Variants in PCDH10 observed in about 807,000 individuals in gnomAD.
PCDH10 encodes protocadherin-10.
Under a neutral mutation model 74.4 loss-of-function variants are expected in PCDH10, and 15 were observed. The observed-to-expected ratio is 0.20, with a 90% CI of 0.13 to 0.31. PCDH10 has a LOEUF of 0.31. Among genes scored for constraint, PCDH10 ranks in the 10% least tolerant of loss-of-function variants. The pLI, the probability that PCDH10 is intolerant of heterozygous loss-of-function variation, is 1.00. For missense variants in PCDH10, 1,260 were observed against 1,390.2 expected (o/e 0.91, Z 1.49); for synonymous variants, 619 against 589.8 (o/e 1.05, Z -0.72).
Position 133,153,221 on chromosome 4 carries a change from A to G in PCDH10, c.2631+450A>G. ...TTTAACGATGCTTTTAGTCGCGTGT[A>G]CAAGTAAGCTATAGATTGTTTAACT... On this transcript the variant is annotated intron_variant, in intron 1 of 4. Coordinates refer to ENST00000264360, the MANE Select transcript of PCDH10 (RefSeq NM_032961.3). The G allele has an allele frequency of 1.9e-6, 2 of 1,050,776 alleles. 1 individual carries two copies. The highest frequency in any genetic ancestry group is 1.7e-4 in the East Asian group (2 of 11,786). 65.1% of individuals were successfully genotyped at this position (1,050,776 alleles called of 1,614,324 possible).
At chr4:133,177,650 C>A (rs1014638981) in intron 4 of PCDH10, among the ~76,000 whole-genome samples, 3 of 151,996 alleles carry the variant, frequency 2.0e-5, no homozygotes, top group African/African-American at 7.2e-5. Context: ...TGATAAAGTT[C>A]TTGCATTTAA....
chr4:133,178,941 C>T (rs1727353189), intron 4 of PCDH10, among the ~76,000 whole-genome samples: 1 of 151,950 alleles, frequency 6.6e-6, no homozygotes, highest in Admixed American at 6.6e-5. Context: ...TATAGGTTTC[C>T]TAAATTTTGT....
chr4:133,163,166 C>G lies in PCDH10; in HGVS notation c.2987C>G (p.Ala996Gly). The change falls in exon 4 of 5, where the codon GCA (alanine) becomes GGA (glycine). Residue 996 changes from alanine (A) to glycine (G), a missense_variant. Physicochemically the swap from Ala to Gly is moderately conservative, Grantham distance 60. This residue lies in a region of PCDH10 where 136 missense variants were observed against 149.3 expected (regional missense o/e 0.91). Transcript: ENST00000264360. ...GAAACTCCAGAAGCCCAGCCTGGGG[C>G]AGAGCGGTCCTTTTCCACCTTTGGC... ...VFETPEAQPG[A>G]ERSFSTFGKE... is the part of the protein sequence containing the mutation. 2 of 1,614,098 alleles carry G rather than the reference C, an allele frequency of 1.2e-6. No homozygotes were observed. The highest frequency in any genetic ancestry group is 1.7e-6 in the Non-Finnish European group (2 of 1,179,990).
downstream of PCDH10, among the ~76,000 whole-genome samples, chr4:133,199,189 GA>G (rs1187669758): frequency 1.3e-4 from 20 of 151,686 alleles, no homozygotes; most frequent in Non-Finnish European, 5.9e-5. Context: ...TTGAAAGGCT[GA>G]AGTGGGAGGA....
downstream of PCDH10, among the ~76,000 whole-genome samples, chr4:133,195,473 C>A (rs1202819808): frequency 6.6e-6 from 1 of 152,144 alleles, no homozygotes; most frequent in Admixed American, 6.6e-5. Context: ...GTATCACTAC[C>A]TTTTATCCCT....
downstream of PCDH10, among the ~76,000 whole-genome samples, chr4:133,197,970 TG>T (rs990986232): frequency 5.8e-4 from 1 of 1,734 alleles, no homozygotes; most frequent in Non-Finnish European, 3.6e-3. Flanking sequence ...CTCTCAAAAT[TG>T]TGTGTGTGTG....
chr4:133,161,585 A>C (rs2125862591), intron 3 of PCDH10, among the ~76,000 whole-genome samples: 1 of 152,192 alleles, frequency 6.6e-6, no homozygotes. Flanking sequence ...TAGAAGTAAC[A>C]ATCAAGTATG....
chr4:133,162,888 AC>A (rs1726998115), intron 3 of PCDH10, 88 bp from the exon 4 acceptor site: 5 of 1,085,252 alleles, frequency 4.6e-6, no homozygotes, highest in Non-Finnish European at 6.6e-6. Flanking sequence ...TTCACTTGTC[AC>A]CCTTTATGCT....
chr4:133,181,910 T>C (rs1727426515), intron 4 of PCDH10, among the ~76,000 whole-genome samples: 1 of 152,114 alleles, frequency 6.6e-6, no homozygotes, highest in Non-Finnish European at 1.5e-5. Context: ...GAACTTCCAA[T>C]TGTTTACATT....
chr4:133,199,527 T>C (rs1329326035), downstream of PCDH10, among the ~76,000 whole-genome samples: 6 of 149,998 alleles, frequency 4.0e-5, no homozygotes, highest in African/African-American at 1.5e-4. Context: ...CACTACCATG[T>C]TGGTCAGTCA....
intron 1 of PCDH10, among the ~76,000 whole-genome samples, chr4:133,154,060 C>T (rs540685643): frequency 6.6e-6 from 1 of 152,254 alleles, no homozygotes; most frequent in African/African-American, 2.4e-5. Flanking sequence ...TTAAAAAACA[C>T]ACACACATTT....
chr4:133,150,126 C>G lies in PCDH10; in HGVS notation c.-15C>G. On this transcript the variant is annotated 5_prime_UTR_variant, in exon 1 of 5. Transcript: ENST00000264360. ...GCTGACTGGCTGCGGGAAGCTACTT[C>G]CTTTCCTTTTGGAGATGATTGTGCT... is the stretch of plus-strand genomic sequence containing the variant. The G allele has an allele frequency of 6.7e-7, 1 of 1,489,828 alleles. No homozygotes were observed. The allele number at this position is 1,489,828 out of a possible 1,614,324, so 92.3% of individuals were successfully genotyped here. A position where few individuals can be genotyped will look rare whatever the true frequency, so the allele number is the denominator to read the frequency against.
At chr4:133,197,065 C>T (rs1318038830), downstream of PCDH10, among the ~76,000 whole-genome samples, 1 of 152,140 alleles carries the variant, frequency 6.6e-6, no homozygotes, top group Non-Finnish European at 1.5e-5. Flanking sequence ...ATTTGCCTCT[C>T]CATTTATCAG....
chr4:133,161,282 A>T (rs529431522), intron 3 of PCDH10, among the ~76,000 whole-genome samples: 49 of 152,272 alleles, frequency 3.2e-4, no homozygotes, highest in Middle Eastern at 3.4e-3. Context: ...ATAAAATTTT[A>T]AAAAAGTCAT....
In PCDH10 at chr4:133,150,307, T is replaced by C; in HGVS notation, c.167T>C (p.Val56Ala). 1 of 1,613,750 alleles carries C rather than the reference T, an allele frequency of 6.2e-7. No individual in the cohort carries two copies. The highest frequency in any genetic ancestry group is 8.5e-7 in the Non-Finnish European group (1 of 1,179,926). ...CTTTCGGCTCGCGGGTTTCAGACGG[T>C]GCCCAACTCAAGGACCCCTTACTTA... ...TKLSARGFQT[V>A]PNSRTPYLDL... Residue 56 changes from valine to alanine, a missense_variant, in exon 1 of 5, where the codon GTG becomes GCG. Val to Ala is a moderately conservative substitution (Grantham distance 64). Coordinates refer to ENST00000264360, the MANE Select transcript of PCDH10 (RefSeq NM_032961.3).
intron 4 of PCDH10, among the ~76,000 whole-genome samples, chr4:133,183,732 C>T (rs1727467565): frequency 6.6e-6 from 1 of 152,010 alleles, no homozygotes; most frequent in African/African-American, 2.4e-5. Context: ...AGGATGGATC[C>T]ATTTCTAATT....
chr4:133,187,705 A>C (rs1380787703), intron 4 of PCDH10, among the ~76,000 whole-genome samples: 1 of 152,134 alleles, frequency 6.6e-6, no homozygotes, highest in African/African-American at 2.4e-5. Flanking sequence ...AGCAGCAATT[A>C]AAAGATGTCT....
At chr4:133,173,772 A>G (rs941927242) in intron 4 of PCDH10, among the ~76,000 whole-genome samples, 12 of 151,746 alleles carry the variant, frequency 7.9e-5, no homozygotes, top group African/African-American at 2.7e-4. Context: ...ATTGCAATGG[A>G]GAATGAAATG....
At chr4:133,178,131 A>T (rs1055393123) in intron 4 of PCDH10, among the ~76,000 whole-genome samples, 2 of 148,074 alleles carry the variant, frequency 1.4e-5, no homozygotes, top group Non-Finnish European at 3.0e-5. Context: ...AAGTTGTTTT[A>T]GGTAGACCAA....
Sources: allele counts gnomAD v4.1 joint callset (sites outside exome capture counted in the v4.1 genomes callset), GRCh38; gene constraint gnomAD v4.1.1; regional missense constraint gnomAD v4.1.1; transcripts MANE v1.5; gene names NCBI Gene and HGNC (gene_info 2026-07-23, HGNC 2026-07-21).